MESD: variants seen among roughly 807,000 people sequenced by gnomAD.
The protein encoded by MESD is LRP chaperone MESD.
Under a neutral mutation model 12.9 loss-of-function variants are expected in MESD, and 7 were observed. The observed-to-expected ratio is 0.54, with a 90% CI of 0.31 to 1.02. The LOEUF (loss-of-function observed/expected upper bound fraction) is 1.02, where lower values mean the gene tolerates loss of function less well. Ranked by LOEUF, MESD falls within the 50% of genes least tolerant of loss-of-function variation. The pLI is 0.05. For missense variants in MESD, 342 were observed against 296.7 expected (o/e 1.15, Z -1.12); for synonymous variants, 126 against 115.6 (o/e 1.09, Z -0.58).
Position 80,979,180 on chromosome 15 carries a change from C to T in MESD, c.*39G>A, listed in dbSNP as rs755402595. The stretch of plus-strand genomic sequence containing the variant: ...CAGGAGCTGGGCAAAGAGCTCTCCA[C>T]GTCCACCTGTCCCCCCACAGCGCGT... On this transcript the variant is annotated 3_prime_UTR_variant, in exon 3 of 3. Coordinates refer to ENST00000261758, the MANE Select transcript of MESD (RefSeq NM_015154.3). The T allele has an allele frequency of 3.5e-5, 56 of 1,588,762 alleles. No homozygotes were observed. Among genetic ancestry groups the T allele is most frequent in the East Asian group, 4.5e-5 (2 of 44,778 alleles).
chr15:80,959,169 T>G (rs1479924914), intron 3 of MESD, among the ~76,000 whole-genome samples: 1 of 152,208 alleles, frequency 6.6e-6, no homozygotes, highest in African/African-American at 2.4e-5. Flanking sequence ...CCAGCTGCTG[T>G]TGGAGTTGGG....
chr15:80,961,262 A>G (rs1462837199), intron 3 of MESD, among the ~76,000 whole-genome samples: 1 of 151,830 alleles, frequency 6.6e-6, no homozygotes, highest in Non-Finnish European at 1.5e-5. Context: ...CTTACAAAGC[A>G]GTAAGGAACA....
chr15:80,956,814 TTCTC>T (rs896964996), intron 3 of MESD, among the ~76,000 whole-genome samples: 2 of 151,894 alleles, frequency 1.3e-5, no homozygotes, highest in Non-Finnish European at 2.9e-5. Context: ...GCTCTTCATC[TTCTC>T]TCTTTTTTTT....
intron 1 of MESD, among the ~76,000 whole-genome samples, chr15:80,988,120 C>G (rs116299916): frequency 6.6e-6 from 1 of 152,320 alleles, no homozygotes; most frequent in African/African-American, 2.4e-5. Context: ...TGTGGCAGTA[C>G]AGGTAAAACA....
Position 80,966,640 on chromosome 15 carries a change from C to T in MESD, c.*288+12291G>A, listed in dbSNP as rs138812430. ...CAGGCTGCCTCTGTGTCCACTCATG[C>T]CTGCTCAAATCTCAGCTTAGTGGCC... On this transcript the variant is annotated intron_variant, in intron 3 of 4. Coordinates refer to the MESD transcript ENST00000561312. Among the ~76,000 whole-genome samples, 14 of 152,324 alleles carry T rather than the reference C, an allele frequency of 9.2e-5. No homozygotes were observed. The East Asian group carries it at 1.7e-3, about 19-fold the overall frequency.
intron 3 of MESD, among the ~76,000 whole-genome samples, chr15:80,968,340 C>T (rs192849515): frequency 2.1e-4 from 32 of 152,352 alleles, no homozygotes; most frequent in African/African-American, 7.2e-4. Flanking sequence ...CAGCCCCTCC[C>T]TTAGAGTGTC....
At chr15:80,974,565 C>T (rs185963547), downstream of MESD, among the ~76,000 whole-genome samples, 15 of 145,502 alleles carry the variant, frequency 1.0e-4, no homozygotes, top group East Asian at 2.0e-3. Context: ...GAGATAAAAA[C>T]GGAATATTTA....
chr15:80,989,768 G>A lies in MESD; in HGVS notation c.24C>T (p.Arg8=), dbSNP rs1331432815. Residue 8 remains arginine (R), a synonymous_variant, in exon 1 of 3, where the codon CGC becomes CGT. Transcript: ENST00000261758. ...AGGCACAAAGCAGGACCACGGCCTT[G>A]CGCGCCCACCTGGAAGCCGCCATTT... MAASRWA[R]KAVVLLCASD... 4 of 1,593,824 alleles carry A rather than the reference G, an allele frequency of 2.5e-6. No homozygotes were observed. Among genetic ancestry groups the A allele is most frequent in the Non-Finnish European group, 2.5e-6 (3 of 1,176,640 alleles).
intron 3 of MESD, among the ~76,000 whole-genome samples, chr15:80,965,557 T>C (rs1902160950): frequency 6.6e-6 from 1 of 152,196 alleles, no homozygotes; most frequent in Non-Finnish European, 1.5e-5. Flanking sequence ...CCAACCCAAA[T>C]GTCCATCAAT....
At chr15:80,963,435 T>C (rs1436017580) in intron 3 of MESD, among the ~76,000 whole-genome samples, 2 of 152,176 alleles carry the variant, frequency 1.3e-5, no homozygotes, top group Admixed American at 1.3e-4. Flanking sequence ...TCTGAAACTA[T>C]TCCAATCAAT....
At chr15:80,985,251 C>G (rs1902697247) in intron 1 of MESD, among the ~76,000 whole-genome samples, 2 of 152,220 alleles carry the variant, frequency 1.3e-5, no homozygotes, top group African/African-American at 4.8e-5. Context: ...CTTAGCCCAT[C>G]TGAAAATAAC....
At position 80,989,706 on chromosome 15, in the gene MESD, G is replaced by C. The variant is rs146772302; in HGVS notation, c.86C>G (p.Pro29Arg). The C allele has an allele frequency of 4.2e-5, 68 of 1,611,116 alleles. No homozygotes were observed. In the African/African-American group the frequency reaches 7.9e-4, roughly 19 times the overall value. ...CGAGCCTTCGGCCGCGCAGGACCCA[G>C]GCGGTGGTAGCAGTAGCAGCAGCAG... ...LLLLLLLLPP[P>R]GSCAAEGSPG... Residue 29 changes from proline to arginine, a missense_variant, in exon 1 of 3, where the codon CCT becomes CGT. Pro to Arg is a moderately radical substitution (Grantham distance 103). Transcript: ENST00000261758.
intron 1 of MESD, among the ~76,000 whole-genome samples, chr15:80,983,894 CTTTTT>C (rs10570822): frequency 0.056 from 4,966 of 88,302 alleles, 80 homozygotes; most frequent in Middle Eastern, 0.24. Flanking sequence ...AAAACAGTAA[CTTTTT>C]TTTTTTTTTT....
chr15:80,978,989 A>T lies in MESD; in HGVS notation c.*230T>A, dbSNP rs1245233132. 1.7e-6 allele frequency: 1 copy of T among 576,360 alleles called. No individual in the cohort carries two copies. Among genetic ancestry groups the T allele is most frequent in the Admixed American group, 3.4e-5 (1 of 29,600 alleles). The allele number at this position is 576,360 out of a possible 1,614,324, so 35.7% of individuals were successfully genotyped here. A position where few individuals can be genotyped will look rare whatever the true frequency, so the allele number is the denominator to read the frequency against. On this transcript the variant is annotated 3_prime_UTR_variant, in exon 3 of 3. Coordinates refer to ENST00000261758, the MANE Select transcript of MESD (RefSeq NM_015154.3). Reference sequence around the variant, plus strand: ...TTTCCATGTAAGGAGATTTTATAGTAAACATGAATTTGTCAGTGTCCAGTA... The same window carrying T: ...TTTCCATGTAAGGAGATTTTATAGTTAACATGAATTTGTCAGTGTCCAGTA...
chr15:80,980,430 A>C (rs945867643), intron 2 of MESD, among the ~76,000 whole-genome samples: 4 of 152,234 alleles, frequency 2.6e-5, no homozygotes, highest in Non-Finnish European at 4.4e-5. Flanking sequence ...ATACTAAATT[A>C]GTTATCGGTT....
chr15:80,982,324 C>T (rs1902604239), intron 1 of MESD, 142 bp from the exon 2 acceptor site: 1 of 660,770 alleles, frequency 1.5e-6, no homozygotes, highest in African/African-American at 1.8e-5. Flanking sequence ...GGTTTTCTTC[C>T]TCTTCTTAAC....
intron 1 of MESD, 102 bp downstream of exon 1, chr15:80,989,477 G>C: frequency 1.5e-6 from 2 of 1,337,614 alleles, no homozygotes; most frequent in East Asian, 2.3e-5. Context: ...GAGTAGAGGA[G>C]GTTAGGGGGT....
At chr15:80,966,978 G>C (rs2141795767) in intron 3 of MESD, among the ~76,000 whole-genome samples, 1 of 152,246 alleles carries the variant, frequency 6.6e-6, no homozygotes, top group Non-Finnish European at 1.5e-5. Flanking sequence ...TGCGCTCAAG[G>C]CATTGATTTT....
chr15:80,989,742 G>A lies in MESD; in HGVS notation c.50C>T (p.Ser17Phe), dbSNP rs773719701. The A allele has an allele frequency of 1.2e-6, 2 of 1,603,810 alleles. No homozygotes were observed. The highest frequency in any genetic ancestry group is 1.7e-6 in the Non-Finnish European group (2 of 1,179,682). The change falls in exon 1 of 3, where the codon TCT (serine) becomes TTT (phenylalanine). Residue 17 changes from serine to phenylalanine, a missense_variant. Physicochemically the swap from Ser to Phe is radical, Grantham distance 155. Transcript: ENST00000261758. ...CAGTAGCAGCAGCAGCAGCAGGTCA[G>A]AGGCACAAAGCAGGACCACGGCCTT... ...ARKAVVLLCA[S>F]DLLLLLLLLP...
Sources: gnomAD v4.1 joint callset for allele counts (sites outside exome capture counted in the v4.1 genomes callset) on GRCh38, gnomAD v4.1.1 for gene constraint, MANE v1.5 for transcripts, NCBI Gene and HGNC (gene_info 2026-07-23, HGNC 2026-07-21) for gene names.